Variants in NAALADL2 observed in about 807,000 individuals in gnomAD.
The protein encoded by NAALADL2 is N-acetylated alpha-linked acidic dipeptidase like 2, also known as inactive N-acetylated-alpha-linked acidic dipeptidase-like protein 2.
NAALADL2 carries 76 observed loss-of-function variants against 87.2 expected under a neutral mutation model. The ratio of observed to expected loss-of-function variants is 0.87; its 90% CI spans 0.72 to 1.05. The LOEUF (loss-of-function observed/expected upper bound fraction) is 1.05, where lower values mean the gene tolerates loss of function less well. Among genes scored for constraint, NAALADL2 ranks in the 50% least tolerant of loss-of-function variants. The pLI is 0.00. For synonymous variants in NAALADL2, 354 were observed against 331.0 expected (o/e 1.07, Z -0.75); for missense variants, 1,089 against 945.8 (o/e 1.15, Z -1.99).
intron 5 of NAALADL2, among the ~76,000 whole-genome samples, chr3:175,332,343 C>A (rs952755408): frequency 6.6e-6 from 1 of 152,118 alleles, no homozygotes; most frequent in East Asian, 1.9e-4. Context: ...ATATAGTAAA[C>A]GAAACAATAC....
upstream of NAALADL2, among the ~76,000 whole-genome samples, chr3:174,855,964 A>ATG (rs752520850): frequency 8.2e-4 from 85 of 103,836 alleles, 1 homozygote; most frequent in South Asian, 9.5e-4. Context: ...ATATATGTGT[A>ATG]TGTGTGTGTG....
chr3:175,554,753 C>T (rs553948216), intron 9 of NAALADL2, among the ~76,000 whole-genome samples: 1 of 152,210 alleles, frequency 6.6e-6, no homozygotes, highest in African/African-American at 2.4e-5. Context: ...CCCATAATTA[C>T]ATTAGTACAT....
rs1187355612 is a variant in NAALADL2, at chr3:174,814,270, G to A, written c.-9+76524G>A. 4.6e-5 allele frequency among the ~76,000 whole-genome samples: 7 copies of A among 151,828 alleles called. No individual in the cohort carries two copies. In the East Asian group the frequency reaches 1.4e-3, roughly 30 times the overall value. On this transcript the variant is annotated intron_variant, in intron 3 of 3. Coordinates refer to the NAALADL2 transcript ENST00000434257. ...ACTACAGGTGCCTACCGCCACGCCT[G>A]GCTAATTTTTGTATTTTTAGTAGAG...
intron 9 of NAALADL2, among the ~76,000 whole-genome samples, chr3:175,505,279 A>G (rs1042495919): frequency 6.6e-6 from 1 of 151,928 alleles, no homozygotes; most frequent in African/African-American, 2.4e-5. Flanking sequence ...AAAAAAAAAA[A>G]AAGAGTCTGC....
intron 1 of NAALADL2, chr3:174,536,520 G>A (rs1395553796): frequency 6.6e-6 from 1 of 152,044 alleles, no homozygotes; most frequent in Non-Finnish European, 1.5e-5. Context: ...TGCCAAAGAG[G>A]CATTTACAAA....
chr3:175,795,164 C>T (rs1051620487), intron 13 of NAALADL2, among the ~76,000 whole-genome samples: 2 of 152,166 alleles, frequency 1.3e-5, no homozygotes, highest in Non-Finnish European at 2.9e-5. Flanking sequence ...GCATTTGGAG[C>T]AGGAACACAA....
At chr3:174,845,436 T>A (rs1262481416) in intron 3 of NAALADL2, among the ~76,000 whole-genome samples, 1 of 152,162 alleles carries the variant, frequency 6.6e-6, no homozygotes, top group Non-Finnish European at 1.5e-5. Flanking sequence ...GGCTTTTTCC[T>A]AGGGAAGGCA....
rs1161495296 is a variant in NAALADL2, at chr3:175,806,948, C to A, written c.*3745C>A. The stretch of plus-strand genomic sequence containing the variant: ...AAACTGATCAGACTGTGGAGTCTGT[C>A]ACTTTTTTGGTATAATAAAGGAGTT... On this transcript the variant is annotated 3_prime_UTR_variant, in exon 14 of 14. Coordinates refer to ENST00000454872, the MANE Select transcript of NAALADL2 (RefSeq NM_207015.3). The A allele has an allele frequency of 6.6e-6, 1 of 151,578 alleles. No homozygotes were observed. Among genetic ancestry groups the A allele is most frequent in the African/African-American group, 2.4e-5 (1 of 41,316 alleles). The allele number at this position is 151,578 out of a possible 1,614,324, so 9.4% of individuals were successfully genotyped here.
At position 175,300,761 on chromosome 3, in the gene NAALADL2, TTA is replaced by T. The variant is rs1560315718; in HGVS notation, c.940-23412_940-23411del. 3.4e-4 allele frequency among the ~76,000 whole-genome samples: 48 copies of T among 142,332 alleles called. No homozygotes were observed. In the South Asian group the frequency reaches 3.4e-3, roughly 10 times the overall value. 93.4% of individuals were successfully genotyped at this position (142,332 alleles called of 152,430 possible). ...CCTGGATTTATTTATTTATTTTTAT[TTA>T]TTTATTTATTTATTTATTTATTTAT... On this transcript the variant is annotated intron_variant, in intron 4 of 13. Coordinates refer to ENST00000454872, the MANE Select transcript of NAALADL2 (RefSeq NM_207015.3).
chr3:175,461,181 T>C (rs1474071570), intron 6 of NAALADL2, among the ~76,000 whole-genome samples: 1 of 151,936 alleles, frequency 6.6e-6, no homozygotes, highest in Non-Finnish European at 1.5e-5. Context: ...TTTTCCAGAG[T>C]GCTGATTGGT....
intron 10 of NAALADL2, among the ~76,000 whole-genome samples, chr3:175,613,792 C>A (rs1444105582): frequency 6.6e-6 from 1 of 152,142 alleles, no homozygotes; most frequent in Non-Finnish European, 1.5e-5. Context: ...CAGGATTTTT[C>A]TGAGGGTTAA....
intron 3 of NAALADL2, among the ~76,000 whole-genome samples, chr3:175,256,108 A>T (rs17533132): frequency 6.6e-6 from 1 of 152,126 alleles, no homozygotes; most frequent in South Asian, 2.1e-4. Flanking sequence ...ATATTCCAGA[A>T]ACATGAATGT....
chr3:175,146,759 AT>A (rs1445080203), intron 2 of NAALADL2, among the ~76,000 whole-genome samples: 2 of 151,966 alleles, frequency 1.3e-5, no homozygotes, highest in African/African-American at 4.8e-5. Context: ...TTACTTGACT[AT>A]TTTGCCTTCC....
At chr3:175,335,357 G>A (rs1477977451) in intron 5 of NAALADL2, among the ~76,000 whole-genome samples, 1 of 152,194 alleles carries the variant, frequency 6.6e-6, no homozygotes, top group East Asian at 1.9e-4. Context: ...GTCTAAAACA[G>A]TGTGATGTTT....
At chr3:174,687,405 C>G (rs936189617) in intron 2 of NAALADL2, among the ~76,000 whole-genome samples, 1 of 152,020 alleles carries the variant, frequency 6.6e-6, no homozygotes, top group Non-Finnish European at 1.5e-5. Context: ...ATTAGTATAT[C>G]AAATGTTTAC....
chr3:175,273,822 T>C (rs572011892), intron 4 of NAALADL2, among the ~76,000 whole-genome samples: 1 of 152,194 alleles, frequency 6.6e-6, no homozygotes, highest in South Asian at 2.1e-4. Flanking sequence ...TTTATTATTT[T>C]CTCCTTTTTG....
At chr3:175,528,425 G>C (rs1681013723) in intron 9 of NAALADL2, among the ~76,000 whole-genome samples, 1 of 151,974 alleles carries the variant, frequency 6.6e-6, no homozygotes, top group South Asian at 2.1e-4. Flanking sequence ...CAGCTGATTA[G>C]ATGGTGACCA....
chr3:175,454,524 C>T (rs1722048766), intron 6 of NAALADL2, among the ~76,000 whole-genome samples: 1 of 151,942 alleles, frequency 6.6e-6, no homozygotes, highest in African/African-American at 2.4e-5. Flanking sequence ...AAGCCCAGGA[C>T]TTTGTCTTCT....
chr3:175,119,157 A>G (rs977511569), intron 2 of NAALADL2, among the ~76,000 whole-genome samples: 1 of 151,624 alleles, frequency 6.6e-6, no homozygotes, highest in Non-Finnish European at 1.5e-5. Flanking sequence ...AGATTTACAC[A>G]TTTCAAAAAC....
Sources: gnomAD v4.1 joint callset for allele counts (sites outside exome capture counted in the v4.1 genomes callset) on GRCh38, gnomAD v4.1.1 for gene constraint, MANE v1.5 for transcripts, NCBI Gene and HGNC (gene_info 2026-07-23, HGNC 2026-07-21) for gene names.